Variants in GLG1 observed in about 807,000 individuals in gnomAD.
GLG1 encodes Golgi apparatus protein 1.
A neutral mutation model predicts 160.5 loss-of-function variants in GLG1; 38 were observed. The observed-to-expected ratio is 0.24, with a 90% CI of 0.18 to 0.31. The LOEUF (loss-of-function observed/expected upper bound fraction) is 0.31, where lower values mean the gene tolerates loss of function less well. GLG1 is among the 10% of genes least tolerant of loss of function. The pLI, the probability that GLG1 is intolerant of heterozygous loss-of-function variation, is 1.00. For synonymous variants in GLG1, 644 were observed against 543.4 expected, an observed-to-expected ratio of 1.19 and a Z score of -2.57; for missense variants, 1,373 against 1,505.2, an observed-to-expected ratio of 0.91 and a Z score of 1.45.
chr16:74,499,897 G>GGAGGCT (rs986811429), intron 4 of GLG1, among the ~76,000 whole-genome samples: 18 of 152,182 alleles, frequency 1.2e-4, no homozygotes, highest in African/African-American at 4.1e-4. Flanking sequence ...CAGCCACTCA[G>GGAGGCT]GAGGCTGAGG....
chr16:74,558,495 T>C (rs1446406193), intron 1 of GLG1, among the ~76,000 whole-genome samples: 4 of 152,252 alleles, frequency 2.6e-5, no homozygotes, highest in Non-Finnish European at 4.4e-5. Flanking sequence ...TTATAATATT[T>C]GTTAACTCGC....
intron 1 of GLG1, among the ~76,000 whole-genome samples, chr16:74,561,118 C>T (rs923620505): frequency 6.6e-6 from 1 of 152,136 alleles, no homozygotes; most frequent in African/African-American, 2.4e-5. Flanking sequence ...GGCCAACAGG[C>T]AGCAAGCCAG....
At chr16:74,604,349 C>T (rs1214794822) in intron 1 of GLG1, among the ~76,000 whole-genome samples, 2 of 152,238 alleles carry the variant, frequency 1.3e-5, no homozygotes, top group African/African-American at 4.8e-5. Flanking sequence ...GACAAGAATT[C>T]GGAAGGGTGT....
intron 4 of GLG1, among the ~76,000 whole-genome samples, 184 bp from the exon 5 acceptor site, chr16:74,496,828 G>C (rs2016207380): frequency 2.0e-5 from 3 of 151,928 alleles, no homozygotes; most frequent in Non-Finnish European, 4.4e-5. Context: ...CATTGTGGAA[G>C]TTAAAGAAAA....
In GLG1 at chr16:74,462,164, C is replaced by A; in HGVS notation, c.2966G>T (p.Arg989Leu). ...RLSSDCEDQI[R>L]IIIQESALDY... ...CAGGGCGGACTCCTGGATAATGATT[C>A]GGATCTGGTCTTCACAGTCTGAAGA... Residue 989 changes from arginine to leucine, a missense_variant, in exon 22 of 26, where the codon CGA (arginine) becomes CTA (leucine). Coordinates refer to ENST00000422840, the MANE Select transcript of GLG1 (RefSeq NM_001145667.2). 1.2e-6 allele frequency: 2 copies of A among 1,606,602 alleles called. No individual in the cohort carries two copies. Among genetic ancestry groups the A allele is most frequent in the Non-Finnish European group, 1.7e-6 (2 of 1,173,532 alleles).
intron 3 of GLG1, among the ~76,000 whole-genome samples, chr16:74,507,438 A>T (rs760965610): frequency 6.5e-4 from 99 of 151,558 alleles, no homozygotes; most frequent in South Asian, 1.7e-3. Flanking sequence ...TGTGTTTTTT[A>T]AAAAAAAACT....
intron 22 of GLG1, among the ~76,000 whole-genome samples, chr16:74,461,153 G>A (rs2014775309): frequency 6.6e-6 from 1 of 151,828 alleles, no homozygotes; most frequent in Non-Finnish European, 1.5e-5. Context: ...CTTCCTTACG[G>A]CCATTATAGA....
At chr16:74,531,939 T>A (rs544255882) in intron 2 of GLG1, among the ~76,000 whole-genome samples, 182 bp downstream of exon 2, 92 of 152,312 alleles carry the variant, frequency 6.0e-4, no homozygotes, top group African/African-American at 2.0e-3. Context: ...TGGGAGAACC[T>A]GCAGGCTTCT....
chr16:74,552,912 C>CT (rs2018242362), intron 1 of GLG1, among the ~76,000 whole-genome samples: 2 of 152,002 alleles, frequency 1.3e-5, no homozygotes, highest in South Asian at 2.1e-4. Flanking sequence ...CCTTATTTTA[C>CT]TTTTTTTAAA....
At chr16:74,605,471 G>C (rs1338720156) in intron 1 of GLG1, among the ~76,000 whole-genome samples, 1 of 152,174 alleles carries the variant, frequency 6.6e-6, no homozygotes, top group Non-Finnish European at 1.5e-5. Context: ...AAGTTCGACA[G>C]AGTTAGGAAT....
chr16:74,552,057 G>A (rs561605151), intron 1 of GLG1, among the ~76,000 whole-genome samples: 62 of 151,780 alleles, frequency 4.1e-4, no homozygotes, highest in Non-Finnish European at 8.2e-4. Flanking sequence ...TCTAGTTTGG[G>A]GGATGTGGAA....
intron 3 of GLG1, among the ~76,000 whole-genome samples, chr16:74,506,171 TA>T (rs2016595809): frequency 1.3e-5 from 2 of 150,416 alleles, no homozygotes; most frequent in African/African-American, 2.5e-5. Context: ...CCAGCACTTG[TA>T]ATTCAACCAC....
intron 2 of GLG1, among the ~76,000 whole-genome samples, chr16:74,529,805 G>T (rs1226338093): frequency 7.9e-6 from 1 of 127,150 alleles, no homozygotes; most frequent in African/African-American, 2.9e-5. Context: ...TTGGCTCTTT[G>T]AGAGTTCTTT....
intron 1 of GLG1, among the ~76,000 whole-genome samples, chr16:74,539,403 C>A (rs1159964019): frequency 6.6e-6 from 1 of 151,930 alleles, no homozygotes; most frequent in East Asian, 1.9e-4. Flanking sequence ...AAAGGTCTCA[C>A]ATAAATATAG....
intron 12 of GLG1, 129 bp downstream of exon 12, chr16:74,477,267 T>A (rs544935318): frequency 3.9e-6 from 3 of 777,350 alleles, no homozygotes; most frequent in Non-Finnish European, 6.4e-6. Flanking sequence ...AGAGAAAATA[T>A]TGAACAATAC....
intron 4 of GLG1, among the ~76,000 whole-genome samples, chr16:74,502,604 C>T (rs962305504): frequency 8.6e-5 from 13 of 151,352 alleles, no homozygotes; most frequent in East Asian, 1.9e-4. Context: ...AGTGCAGTGG[C>T]GCGATCTCGG....
chr16:74,564,497 G>C (rs957831351), intron 1 of GLG1, among the ~76,000 whole-genome samples: 1 of 152,162 alleles, frequency 6.6e-6, no homozygotes, highest in African/African-American at 2.4e-5. Flanking sequence ...AGCCATCTAT[G>C]TAAGTTCAAA....
chr16:74,556,646 T>C (rs2018361272), intron 1 of GLG1, among the ~76,000 whole-genome samples: 1 of 151,856 alleles, frequency 6.6e-6, no homozygotes, highest in South Asian at 2.1e-4. Flanking sequence ...ATTATACCAC[T>C]GCATTCCAAC....
At chr16:74,531,922 T>C (rs944433864) in intron 2 of GLG1, among the ~76,000 whole-genome samples, 199 bp downstream of exon 2, 3 of 152,202 alleles carry the variant, frequency 2.0e-5, no homozygotes, top group African/African-American at 4.8e-5. Flanking sequence ...AGTACGTAAA[T>C]ATTATTTGGG....
Sources: allele counts gnomAD v4.1 joint callset (sites outside exome capture counted in the v4.1 genomes callset), GRCh38; gene constraint gnomAD v4.1.1; transcripts MANE v1.5; gene names NCBI Gene and HGNC (gene_info 2026-07-23, HGNC 2026-07-21).